NEK4: variants seen among roughly 807,000 people sequenced by gnomAD.
NEK4 encodes the protein serine/threonine-protein kinase Nek4.
In NEK4, 86 loss-of-function variants were observed where a neutral mutation model predicts 98.4. That is an observed-to-expected ratio of 0.87 (90% CI 0.73 to 1.05). NEK4 has a LOEUF of 1.05. Among genes scored for constraint, NEK4 ranks in the 50% least tolerant of loss-of-function variants. The pLI, the probability that NEK4 is intolerant of heterozygous loss-of-function variation, is 0.00. For missense variants in NEK4, 898 were observed against 950.3 expected (o/e 0.94, Z 0.72); for synonymous variants, 328 against 342.2 (o/e 0.96, Z 0.46).
chr3:52,734,773 C>T, intron 15 of NEK4: 1 of 240,598 alleles, frequency 4.2e-6, no homozygotes, highest in Non-Finnish European at 8.3e-6. Context: ...ACATTGAATT[C>T]AACCCTCCCA....
At position 52,766,358 on chromosome 3, in the gene NEK4, G is replaced by T. The variant is rs1271476570; in HGVS notation, c.378C>A (p.His126Gln). 1 of 1,612,364 alleles carries T rather than the reference G, an allele frequency of 6.2e-7. No homozygotes were observed. Among genetic ancestry groups the T allele is most frequent in the Non-Finnish European group, 8.5e-7 (1 of 1,178,432 alleles). Residue 126 changes from histidine to glutamine, a missense_variant, in exon 3 of 16, where the codon CAC becomes CAA. Coordinates refer to ENST00000233027, the MANE Select transcript of NEK4 (RefSeq NM_003157.6). Reference protein sequence around the residue: ...AMALQYLHEKHILHRDLKTQN... With the variant: ...AMALQYLHEKQILHRDLKTQN... Reference sequence around the variant, plus strand: ...GAGTTTTCAGATCTCGATGAAGGATGTGTTTTTCATGTAAATACTGAGGAA... The same window carrying T: ...GAGTTTTCAGATCTCGATGAAGGATTTGTTTTTCATGTAAATACTGAGGAA...
At position 52,711,724 on chromosome 3, in the gene NEK4, C is replaced by CA. The variant is rs2154101609; in HGVS notation, c.*52dup. The CA allele has an allele frequency of 1.7e-6, 2 of 1,208,834 alleles. No homozygotes were observed. Among genetic ancestry groups the CA allele is most frequent in the East Asian group, 4.7e-5 (2 of 42,602 alleles). The allele number at this position is 1,208,834 out of a possible 1,614,324, so 74.9% of individuals were successfully genotyped here. On this transcript the variant is annotated 3_prime_UTR_variant, in exon 16 of 16. Coordinates refer to ENST00000233027, the MANE Select transcript of NEK4 (RefSeq NM_003157.6). ...GACTGTTTGCCCTTGCTTTTTAAGC[C>CA]AAAATCCTCTAAAAATAGGTCTTTA...
chr3:52,752,474 G>C, intron 6 of NEK4, 138 bp from the exon 7 acceptor site: 2 of 746,412 alleles, frequency 2.7e-6, no homozygotes, highest in Non-Finnish European at 4.4e-6. Flanking sequence ...TCCTAAGTAT[G>C]TAATCCAAGG....
chr3:52,712,213 A>G (rs976845836), intron 15 of NEK4, among the ~76,000 whole-genome samples: 31 of 152,266 alleles, frequency 2.0e-4, no homozygotes, highest in Admixed American at 1.0e-3. Context: ...ATTCATTTAT[A>G]TATGTATGTA....
chr3:52,743,400 GTCT>G lies in NEK4; in HGVS notation c.1953_1955del (p.Glu651del), dbSNP rs534558039. ...AGAGCCGTCGGGCAGGCAAGGGCTG[GTCT>G]TCTTCCTGGGGTTTTCCTGGCCCTG... On this transcript the variant is annotated inframe_deletion, in exon 12 of 16. Transcript: ENST00000233027. The G allele has an allele frequency of 1.3e-3, 2,059 of 1,614,034 alleles. 1 individual carries two copies. Among genetic ancestry groups the G allele is most frequent in the Non-Finnish European group, 1.6e-3 (1,943 of 1,180,034 alleles).
chr3:52,745,965 C>T, intron 10 of NEK4, 96 bp downstream of exon 10: 2 of 1,108,292 alleles, frequency 1.8e-6, no homozygotes, highest in Non-Finnish European at 2.7e-6. Context: ...TCAATTGATC[C>T]TCTTGCTTCA....
intron 4 of NEK4, among the ~76,000 whole-genome samples, chr3:52,765,465 C>T (rs1466707957): frequency 1.3e-5 from 2 of 151,884 alleles, no homozygotes; most frequent in Non-Finnish European, 2.9e-5. Flanking sequence ...CTATATCAGA[C>T]ACAATGCTTT....
In NEK4 at chr3:52,743,710, T is replaced by C. The variant is rs78051384; in HGVS notation, c.1895-249A>G. Among the ~76,000 whole-genome samples, 1,185 of 152,336 alleles carry C rather than the reference T, an allele frequency of 7.8e-3. 16 individuals carry two copies. The highest frequency in any genetic ancestry group is 0.028 in the African/African-American group (1,147 of 41,570). On this transcript the variant is annotated intron_variant, in intron 11 of 15. Coordinates refer to ENST00000233027, the MANE Select transcript of NEK4 (RefSeq NM_003157.6). ...TTCCTTAGCTGCAAAATGAGGATAA[T>C]GCTGCATATTTTGGCAGTACTGTAA...
At chr3:52,766,998 A>C (rs911492699) in intron 2 of NEK4, among the ~76,000 whole-genome samples, 31 of 152,004 alleles carry the variant, frequency 2.0e-4, no homozygotes, top group Non-Finnish European at 3.8e-4. Context: ...GTCTCAAAAA[A>C]AAAAAAAATA....
At chr3:52,735,031 T>C (rs1231194) in intron 15 of NEK4, 5,270 of 176,442 alleles carry the variant, frequency 0.03, 129 homozygotes, top group Non-Finnish European at 0.049. Flanking sequence ...AGTTACTCCA[T>C]GAGGAGAAAT....
intron 15 of NEK4, among the ~76,000 whole-genome samples, chr3:52,729,145 T>C (rs925832331): frequency 4.9e-4 from 75 of 152,154 alleles, no homozygotes; most frequent in African/African-American, 1.7e-3. Context: ...ACCTACTCCC[T>C]GCTTGTACAC....
chr3:52,753,612 T>C, intron 6 of NEK4: 1 of 579,212 alleles, frequency 1.7e-6, no homozygotes, highest in Admixed American at 1.9e-5. Flanking sequence ...AAAACCAGTC[T>C]TTGATGAACT....
chr3:52,719,299 G>A (rs2097358022), intron 15 of NEK4, among the ~76,000 whole-genome samples: 1 of 152,116 alleles, frequency 6.6e-6, no homozygotes, highest in Admixed American at 6.5e-5. Flanking sequence ...CTATAGGGTG[G>A]GCTAGTTTGC....
chr3:52,763,652 T>A (rs80176849), intron 4 of NEK4, 28 bp from the exon 5 acceptor site: 2 of 1,527,792 alleles, frequency 1.3e-6, no homozygotes, highest in East Asian at 2.3e-5. Flanking sequence ...ATTGTAATTA[T>A]GACTAATGGT....
rs80242803 is a variant in NEK4 at position 52,730,373 on chromosome 3, C to G, written c.2433+7213G>C. Among the ~76,000 whole-genome samples the G allele has an allele frequency of 3.9e-5, 6 of 152,268 alleles. No homozygotes were observed. In the East Asian group the frequency reaches 1.2e-3, roughly 29 times the overall value. On this transcript the variant is annotated intron_variant, in intron 15 of 15. Coordinates refer to ENST00000233027, the MANE Select transcript of NEK4 (RefSeq NM_003157.6). The stretch of plus-strand genomic sequence containing the variant: ...ACCACACTTTGGAGAGGAAATGATG[C>G]CAATCCTTCTCAAACTTTTCCAGAG...
intron 4 of NEK4, among the ~76,000 whole-genome samples, chr3:52,764,065 G>A (rs1204632391): frequency 2.7e-5 from 4 of 150,858 alleles, no homozygotes; most frequent in African/African-American, 7.3e-5. Flanking sequence ...CAGGTGGATT[G>A]CCTGAGGTCA....
At chr3:52,746,688 T>C in intron 9 of NEK4, 46 bp downstream of exon 9, 1 of 1,541,246 alleles carries the variant, frequency 6.5e-7, no homozygotes, top group Non-Finnish European at 8.8e-7. Flanking sequence ...AAATAGAAAT[T>C]GAGTTTCCCA....
rs566214493 is a variant in NEK4, at chr3:52,739,526, T to C, written c.2202A>G (p.Ser734=). The part of the protein sequence containing the change: ...CEDVPVANPV[S]EFKLHRKYRD... ...GATATTTCCGATGAAGTTTGAATTCTGACACTGGGTTTGCTACCGGGACAT... is the reference window on the plus strand; with the variant it reads ...GATATTTCCGATGAAGTTTGAATTCCGACACTGGGTTTGCTACCGGGACAT... Residue 734 remains serine (S), a synonymous_variant, in exon 14 of 16, where the codon TCA becomes TCG. Transcript: ENST00000233027. 5.8e-4 allele frequency: 933 copies of C among 1,614,216 alleles called. 15 individuals are homozygous for C. The South Asian group carries it at 9.8e-3, about 17-fold the overall frequency.
chr3:52,752,918 ATATAT>A (rs1284243947), intron 6 of NEK4, among the ~76,000 whole-genome samples: 1 of 103,310 alleles, frequency 9.7e-6, no homozygotes, highest in African/African-American at 3.6e-5. Context: ...AAAAAAAAAA[ATATAT>A]ATATATATAT....
Sources: allele counts gnomAD v4.1 joint callset (sites outside exome capture counted in the v4.1 genomes callset), GRCh38; gene constraint gnomAD v4.1.1; transcripts MANE v1.5; gene names NCBI Gene and HGNC (gene_info 2026-07-23, HGNC 2026-07-21).